Variants in MAGI1 observed in about 807,000 individuals in gnomAD.
MAGI1 encodes the protein membrane-associated guanylate kinase, WW and PDZ domain-containing protein 1.
In MAGI1, 58 loss-of-function variants were observed where a neutral mutation model predicts 139.9. The ratio of observed to expected loss-of-function variants is 0.41; its 90% CI spans 0.34 to 0.52. The LOEUF (loss-of-function observed/expected upper bound fraction) is 0.52, where lower values mean the gene tolerates loss of function less well. MAGI1 is among the 20% of genes least tolerant of loss of function. MAGI1 has a pLI of 0.12. For synonymous variants in MAGI1, 812 were observed against 737.9 expected (o/e 1.10, Z -1.63); for missense variants, 1,874 against 1,901.6 (o/e 0.99, Z 0.27).
chr3:65,501,475 A>AAAAT (rs1553654934), intron 2 of MAGI1, among the ~76,000 whole-genome samples: 26 of 150,246 alleles, frequency 1.7e-4, no homozygotes, highest in African/African-American at 6.4e-4. Context: ...AAAAAAAAAA[A>AAAAT]TTTAAACATA....
chr3:65,520,098 G>A (rs2078084804), intron 2 of MAGI1, among the ~76,000 whole-genome samples: 1 of 152,230 alleles, frequency 6.6e-6, no homozygotes. Flanking sequence ...CATCTTAGAA[G>A]TGGACTGGCT....
intron 2 of MAGI1, among the ~76,000 whole-genome samples, chr3:65,599,626 G>A (rs1357964507): frequency 6.6e-6 from 1 of 152,172 alleles, no homozygotes; most frequent in Non-Finnish European, 1.5e-5. Flanking sequence ...CATACAAAGT[G>A]CTTGGTACAG....
intron 1 of MAGI1, among the ~76,000 whole-genome samples, chr3:65,683,487 A>C (rs1195631911): frequency 6.6e-6 from 1 of 151,014 alleles, no homozygotes; most frequent in Non-Finnish European, 1.5e-5. Flanking sequence ...AAAAAAAAGA[A>C]AAGAAAAAAA....
chr3:65,507,299 T>C (rs2077333144), intron 2 of MAGI1, among the ~76,000 whole-genome samples: 1 of 152,238 alleles, frequency 6.6e-6, no homozygotes, highest in African/African-American at 2.4e-5. Context: ...TTTTCCCTCA[T>C]ATTTATAGTG....
chr3:65,470,135 T>C (rs1950473308), intron 5 of MAGI1, 148 bp downstream of exon 5: 2 of 587,688 alleles, frequency 3.4e-6, no homozygotes, highest in Non-Finnish European at 5.9e-6. Flanking sequence ...ATTACCTTTT[T>C]ATGCAAAACT....
chr3:65,443,690 T>G (rs1375322118), intron 7 of MAGI1, among the ~76,000 whole-genome samples: 4 of 152,142 alleles, frequency 2.6e-5, no homozygotes, highest in East Asian at 1.9e-4. Flanking sequence ...GGGTTTTTTT[T>G]GTCATTAAAC....
intron 2 of MAGI1, among the ~76,000 whole-genome samples, chr3:65,504,624 G>A (rs2077207109): frequency 6.6e-6 from 1 of 152,164 alleles, no homozygotes; most frequent in African/African-American, 2.4e-5. Flanking sequence ...ACCCAGGGTT[G>A]AATAAATCAA....
At chr3:66,008,293 T>A (rs1169243174) in intron 1 of MAGI1, among the ~76,000 whole-genome samples, 1 of 152,198 alleles carries the variant, frequency 6.6e-6, no homozygotes, top group African/African-American at 2.4e-5. Context: ...GCCTACTGAA[T>A]CAGGACCTGC....
intron 2 of MAGI1, among the ~76,000 whole-genome samples, chr3:65,497,710 A>G (rs1952553508): frequency 6.6e-6 from 1 of 152,184 alleles, no homozygotes; most frequent in Non-Finnish European, 1.5e-5. Context: ...TTCAGATCCA[A>G]TTTGTCAGGT....
intron 20 of MAGI1, among the ~76,000 whole-genome samples, chr3:65,364,144 C>T (rs1036883374): frequency 1.2e-4 from 16 of 129,820 alleles, no homozygotes; most frequent in African/African-American, 3.9e-4. Flanking sequence ...GTCTGGGCAG[C>T]ACAGTGAGAC....
chr3:65,872,956 T>C (rs1449695223), intron 1 of MAGI1: 2 of 152,288 alleles, frequency 1.3e-5, no homozygotes, highest in South Asian at 2.1e-4. Flanking sequence ...AGGGTACTTA[T>C]GATGTTCCAT....
At chr3:66,012,352 T>G (rs765501798) in intron 1 of MAGI1, among the ~76,000 whole-genome samples, 2 of 152,102 alleles carry the variant, frequency 1.3e-5, no homozygotes, top group Non-Finnish European at 2.9e-5. Flanking sequence ...GCAGTAAACA[T>G]TCATTCCAAG....
At chr3:65,977,225 G>T (rs890643096) in intron 1 of MAGI1, among the ~76,000 whole-genome samples, 1 of 152,184 alleles carries the variant, frequency 6.6e-6, no homozygotes, top group East Asian at 1.9e-4. Context: ...CCACCATCCC[G>T]CAGTGGCATA....
At chr3:65,449,762 G>A (rs971236530) in intron 6 of MAGI1, among the ~76,000 whole-genome samples, 12 of 152,090 alleles carry the variant, frequency 7.9e-5, no homozygotes, top group African/African-American at 2.7e-4. Flanking sequence ...GTAACAGGGC[G>A]AGACTCCATC....
intron 1 of MAGI1, among the ~76,000 whole-genome samples, chr3:65,963,915 C>T (rs562714032): frequency 6.6e-6 from 1 of 152,292 alleles, no homozygotes; most frequent in South Asian, 2.1e-4. Flanking sequence ...TAGACAAATA[C>T]AGCTCATAAT....
intron 5 of MAGI1, among the ~76,000 whole-genome samples, chr3:65,462,776 T>C (rs1263634773): frequency 8.5e-5 from 13 of 152,328 alleles, no homozygotes; most frequent in Non-Finnish European, 7.3e-5. Flanking sequence ...CATTTATTTG[T>C]GTCCTCTCTT....
chr3:65,576,906 A>T (rs182336894), intron 2 of MAGI1, among the ~76,000 whole-genome samples: 1 of 152,300 alleles, frequency 6.6e-6, no homozygotes, highest in East Asian at 1.9e-4. Context: ...TACCCCTGGG[A>T]TGTAGACTCC....
At chr3:65,495,036 C>T (rs1190600724) in intron 2 of MAGI1, among the ~76,000 whole-genome samples, 3 of 152,180 alleles carry the variant, frequency 2.0e-5, no homozygotes, top group Non-Finnish European at 2.9e-5. Flanking sequence ...GTTCCCGTTT[C>T]GTGCCTCCCC....
At chr3:65,986,425 A>G (rs2065881782) in intron 1 of MAGI1, among the ~76,000 whole-genome samples, 1 of 152,228 alleles carries the variant, frequency 6.6e-6, no homozygotes, top group East Asian at 1.9e-4. Context: ...ATCAGGGCCA[A>G]TTGCTAAGCT....
Sources: allele counts gnomAD v4.1 joint callset (sites outside exome capture counted in the v4.1 genomes callset), GRCh38; gene constraint gnomAD v4.1.1; transcripts MANE v1.5; gene names NCBI Gene and HGNC (gene_info 2026-07-23, HGNC 2026-07-21).